DMD: variants seen among roughly 807,000 people sequenced by gnomAD.
DMD encodes the protein dystrophin.
A neutral mutation model predicts 330.1 loss-of-function variants in DMD; 63 were observed. The ratio of observed to expected loss-of-function variants is 0.19; its 90% CI spans 0.16 to 0.24. DMD has a LOEUF of 0.24. Among genes scored for constraint, DMD ranks in the 10% least tolerant of loss-of-function variants. The pLI, the probability that DMD is intolerant of heterozygous loss-of-function variation, is 1.00. For synonymous variants in DMD, 1,223 were observed against 959.8 expected (o/e 1.27, Z -5.07); for missense variants, 3,344 against 2,684.1 (o/e 1.25, Z -5.43).
chrX:32,550,043 G>T (rs189413619), intron 16 of DMD, among the ~76,000 whole-genome samples: 6 of 111,838 alleles, frequency 5.4e-5, no homozygotes, highest in African/African-American at 1.3e-4. Flanking sequence ...TACGAACGCC[G>T]TGGAGTGTAC....
chrX:32,069,271 A>G (rs2096280171), intron 44 of DMD, among the ~76,000 whole-genome samples: 1 of 111,797 alleles, frequency 8.9e-6, no homozygotes, highest in African/African-American at 3.2e-5. Context: ...AATCTTAGAA[A>G]TATGTACAAT....
intron 4 of DMD, among the ~76,000 whole-genome samples, chrX:32,838,747 T>C (rs1009035468): frequency 8.9e-6 from 1 of 112,226 alleles, no homozygotes; most frequent in Non-Finnish European, 1.9e-5. Flanking sequence ...TAACAACAGT[T>C]AGAATGGCAA....
At chrX:32,824,784 G>A (rs2078562022) in intron 4 of DMD, among the ~76,000 whole-genome samples, 1 of 111,878 alleles carries the variant, frequency 8.9e-6, no homozygotes, top group Admixed American at 9.5e-5. Flanking sequence ...GTAAAGCTGG[G>A]AAAATCTGAA....
At chrX:31,452,795 A>C (rs1246906661) in intron 59 of DMD, among the ~76,000 whole-genome samples, 1 of 112,190 alleles carries the variant, frequency 8.9e-6, no homozygotes, top group Non-Finnish European at 1.9e-5. Flanking sequence ...AACAGTGTCT[A>C]TCTTCTTTCT....
chrX:31,722,599 A>T (rs1008792084), intron 52 of DMD, among the ~76,000 whole-genome samples: 2 of 111,385 alleles, frequency 1.8e-5, no homozygotes, highest in South Asian at 7.7e-4. Context: ...TGCATCAGAA[A>T]CCTGGTCTAC....
chrX:31,581,027 T>A (rs999525024), intron 55 of DMD, among the ~76,000 whole-genome samples: 1 of 112,209 alleles, frequency 8.9e-6, no homozygotes, highest in Non-Finnish European at 1.9e-5. Context: ...AGTAATGTGG[T>A]CATTGCAGTA....
At chrX:31,938,935 C>CTG (rs1306933405) in intron 45 of DMD, among the ~76,000 whole-genome samples, 1 of 110,781 alleles carries the variant, frequency 9.0e-6, no homozygotes, top group Admixed American at 9.6e-5. Flanking sequence ...GTGTGTGTGT[C>CTG]TGTGTGTGTG....
At chrX:31,604,072 AAAG>A (rs1426325607) in intron 55 of DMD, among the ~76,000 whole-genome samples, 4 of 112,021 alleles carry the variant, frequency 3.6e-5, no homozygotes, top group Admixed American at 9.5e-5. Flanking sequence ...AGAGTTTAAG[AAAG>A]AAGATTTTAC....
At chrX:32,707,729 A>G (rs751811871) in intron 7 of DMD, among the ~76,000 whole-genome samples, 34 of 111,940 alleles carry the variant, frequency 3.0e-4, no homozygotes, top group Non-Finnish European at 5.6e-4. Context: ...AATATTTGGT[A>G]TGTAACTTCT....
Position 32,646,868 on chromosome X carries a change from C to T in DMD, c.961-1716G>A, listed in dbSNP as rs185544465. Among the ~76,000 whole-genome samples the T allele has an allele frequency of 3.4e-4, 38 of 111,360 alleles. No homozygotes were observed. In the East Asian group the frequency reaches 7.3e-3, roughly 21 times the overall value. On this transcript the variant is annotated intron_variant, in intron 9 of 78. Transcript: ENST00000357033. ...AGGTCATCCTGGTAAGTCAAAATCACCGAACTTCATCATATCAAAGAGGGT... is the reference window on the plus strand; with the variant it reads ...AGGTCATCCTGGTAAGTCAAAATCATCGAACTTCATCATATCAAAGAGGGT...
intron 44 of DMD, among the ~76,000 whole-genome samples, chrX:32,179,015 A>ATCTC (rs1383754820): frequency 1.0e-5 from 1 of 97,111 alleles, no homozygotes; most frequent in African/African-American, 3.8e-5. Context: ...TCCTGCCTAC[A>ATCTC]TCTCTCTCTC....
intron 1 of DMD, among the ~76,000 whole-genome samples, chrX:33,242,647 T>C (rs1440669638): frequency 5.4e-5 from 6 of 111,920 alleles, no homozygotes; most frequent in Admixed American, 9.5e-5. Flanking sequence ...AGTTCTACTT[T>C]TAGTTATTTA....
At chrX:33,025,218 G>A (rs1174304851) in intron 1 of DMD, among the ~76,000 whole-genome samples, 4 of 112,211 alleles carry the variant, frequency 3.6e-5, no homozygotes, top group Admixed American at 2.8e-4. Context: ...AGTAAAGAAG[G>A]AATAAAGGTA....
At chrX:31,569,649 C>T (rs750207220) in intron 55 of DMD, among the ~76,000 whole-genome samples, 2 of 82,415 alleles carry the variant, frequency 2.4e-5, no homozygotes, top group African/African-American at 4.6e-5. Flanking sequence ...TATGTATATA[C>T]GTATATATAC....
At chrX:32,540,808 A>G (rs2148934384) in intron 17 of DMD, among the ~76,000 whole-genome samples, 1 of 112,051 alleles carries the variant, frequency 8.9e-6, no homozygotes, top group African/African-American at 3.2e-5. Flanking sequence ...AATAATGATT[A>G]TTGGGAAGGT....
At chrX:31,177,017 C>T (rs114539178) in intron 71 of DMD, among the ~76,000 whole-genome samples, 9 of 110,996 alleles carry the variant, frequency 8.1e-5, no homozygotes, top group Non-Finnish European at 1.3e-4. Flanking sequence ...GCTTATCTTC[C>T]GAATTGGTCA....
At chrX:32,508,680 T>C (rs775927181) in intron 18 of DMD, among the ~76,000 whole-genome samples, 1 of 111,989 alleles carries the variant, frequency 8.9e-6, no homozygotes, top group South Asian at 3.7e-4. Context: ...TATAGTAAAA[T>C]GGGGAGCTAG....
At chrX:31,959,174 T>G (rs1179352608) in intron 45 of DMD, among the ~76,000 whole-genome samples, 1 of 111,970 alleles carries the variant, frequency 8.9e-6, no homozygotes, top group Non-Finnish European at 1.9e-5. Flanking sequence ...AGTTTCACTC[T>G]CTTTTTTTCA....
chrX:32,509,952 A>G (rs1445946513), intron 18 of DMD, among the ~76,000 whole-genome samples: 3 of 111,743 alleles, frequency 2.7e-5, no homozygotes, highest in Non-Finnish European at 5.6e-5. Flanking sequence ...ACATAGCCAG[A>G]AAGTGAGTTA....
Sources: allele counts gnomAD v4.1 joint callset (sites outside exome capture counted in the v4.1 genomes callset), GRCh38; gene constraint gnomAD v4.1.1; transcripts MANE v1.5; gene names NCBI Gene and HGNC (gene_info 2026-07-23, HGNC 2026-07-21).